The following CD6 variants were observed in gnomAD, a reference collection of about 807,000 sequenced individuals.
The protein encoded by CD6 is T-cell differentiation antigen CD6.
In CD6, 53 loss-of-function variants were observed where a neutral mutation model predicts 75.3. The ratio of observed to expected loss-of-function variants is 0.70; its 90% CI spans 0.56 to 0.88. The LOEUF is 0.88. Ranked by LOEUF, CD6 falls within the 40% of genes least tolerant of loss-of-function variation. CD6 has a pLI of 0.00. For synonymous variants in CD6, 359 were observed against 381.5 expected (o/e 0.94, Z 0.69); for missense variants, 770 against 897.1 (o/e 0.86, Z 1.81).
intron 1 of CD6, among the ~76,000 whole-genome samples, chr11:60,979,897 AC>A (rs1430258078): frequency 6.6e-6 from 1 of 151,998 alleles, no homozygotes; most frequent in Non-Finnish European, 1.5e-5. Flanking sequence ...CACCAGCACC[AC>A]CCCGGGATAG....
rs146783015 is a variant in CD6, at chr11:61,000,590, G to A, written c.50-5984G>A. On this transcript the variant is annotated intron_variant, in intron 1 of 12. Transcript: ENST00000313421. ...CGGCCAGGGCGGCATTCTGGGGAGT[G>A]CCTTGTTTCCCCACCAGGCTTGCTC... Among the ~76,000 whole-genome samples the A allele has an allele frequency of 5.3e-5, 8 of 152,322 alleles. No homozygotes were observed. In the East Asian group the frequency reaches 1.5e-3, roughly 29 times the overall value.
intron 3 of CD6, chr11:61,008,233 C>T (rs964322750): frequency 6.4e-6 from 3 of 465,266 alleles, no homozygotes; most frequent in African/African-American, 3.9e-5. Flanking sequence ...CTGGGTCTCT[C>T]CTCCCCTTTC....
At chr11:61,000,384 T>C (rs1001698862) in intron 1 of CD6, among the ~76,000 whole-genome samples, 1 of 152,134 alleles carries the variant, frequency 6.6e-6, no homozygotes, top group Non-Finnish European at 1.5e-5. Flanking sequence ...AGATTCCACC[T>C]CCATGTTTCC....
At chr11:60,998,044 G>A (rs1248756193) in intron 1 of CD6, among the ~76,000 whole-genome samples, 4 of 152,128 alleles carry the variant, frequency 2.6e-5, no homozygotes, top group Non-Finnish European at 5.9e-5. Context: ...ATAAATGGAC[G>A]GTGTAGGACA....
chr11:61,000,865 G>A (rs895275128), intron 1 of CD6, among the ~76,000 whole-genome samples: 10 of 152,138 alleles, frequency 6.6e-5, no homozygotes, highest in African/African-American at 2.4e-4. Flanking sequence ...CTACCCCATT[G>A]GAGGTTCTGT....
rs1487292708 is a variant in CD6, at chr11:61,020,215, G to A, written c.*897G>A. The A allele has an allele frequency of 2.5e-6, 1 of 398,700 alleles. No individual in the cohort carries two copies. The highest frequency in any genetic ancestry group is 4.4e-6 in the Non-Finnish European group (1 of 226,080). The allele number at this position is 398,700 out of a possible 1,614,324, so 24.7% of individuals were successfully genotyped here. On this transcript the variant is annotated 3_prime_UTR_variant, in exon 13 of 13. Transcript: ENST00000313421. ...GCCCCGAGTCCCCATGTGTCTCCTT[G>A]AATTGATGAGGATGCTCCTGGGAGG...
In CD6 at chr11:60,999,928, CTGT is replaced by C. The variant is rs1858501232; in HGVS notation, c.50-6645_50-6643del. 1.3e-5 allele frequency among the ~76,000 whole-genome samples: 2 copies of C among 151,936 alleles called. 1 individual carries two copies. Among genetic ancestry groups the C allele is most frequent in the South Asian group, 4.2e-4 (2 of 4,812 alleles). ...ATTAGCCAGGCATGGTGGCAGGCGC[CTGT>C]AACCCCAGCTACTCAGTAGCTGCGG... On this transcript the variant is annotated intron_variant, in intron 1 of 12. Coordinates refer to ENST00000313421, the MANE Select transcript of CD6 (RefSeq NM_006725.5).
chr11:60,973,433 T>C (rs1857263275), intron 1 of CD6, among the ~76,000 whole-genome samples: 1 of 152,240 alleles, frequency 6.6e-6, no homozygotes, highest in African/African-American at 2.4e-5. Flanking sequence ...TCATCCACTT[T>C]ATGGTTTTGA....
intron 1 of CD6, among the ~76,000 whole-genome samples, chr11:61,000,407 C>T (rs1195475152): frequency 6.6e-6 from 1 of 152,164 alleles, no homozygotes; most frequent in African/African-American, 2.4e-5. Context: ...CGTCCCTTTC[C>T]ACCCTGCCTC....
intron 1 of CD6, among the ~76,000 whole-genome samples, chr11:60,981,817 T>G (rs1037273997): frequency 6.6e-6 from 1 of 152,114 alleles, no homozygotes; most frequent in East Asian, 1.9e-4. Context: ...GATGCAGGGC[T>G]GAGGAGGAAG....
At chr11:61,000,655 G>C (rs1277121842) in intron 1 of CD6, among the ~76,000 whole-genome samples, 1 of 152,158 alleles carries the variant, frequency 6.6e-6, no homozygotes, top group Non-Finnish European at 1.5e-5. Context: ...GCTTTCCCTC[G>C]ATGTCTATGC....
In CD6 at chr11:61,011,150, G is replaced by A; in HGVS notation, c.1150+15G>A. ...AGTCACTATAGGTAAGTGTTGCTGG[G>A]TACTACGCGGTTTCTCAGAAGCTTG... On this transcript the variant is annotated intron_variant, in intron 6 of 12. Transcript: ENST00000313421. 1 of 1,600,284 alleles carries A rather than the reference G, an allele frequency of 6.2e-7. No individual in the cohort carries two copies. Among genetic ancestry groups the A allele is most frequent in the East Asian group, 2.3e-5 (1 of 44,284 alleles).
At chr11:61,001,587 T>A (rs1858589271) in intron 1 of CD6, among the ~76,000 whole-genome samples, 1 of 146,972 alleles carries the variant, frequency 6.8e-6, no homozygotes, top group Non-Finnish European at 1.5e-5. Context: ...GCAAGTCATA[T>A]AAATCGTCCC....
At position 61,019,697 on chromosome 11, in the gene CD6, G is replaced by C. The variant is rs934574259; in HGVS notation, c.*379G>C. On this transcript the variant is annotated 3_prime_UTR_variant, in exon 13 of 13. Coordinates refer to ENST00000313421, the MANE Select transcript of CD6 (RefSeq NM_006725.5). ...ACCTCAAGTGTCCGGCGCTTTGATT[G>C]CCTGAGTTTCTGACACTTCAGGGCC... 12 of 203,646 alleles carry C rather than the reference G, an allele frequency of 5.9e-5. No homozygotes were observed. Among genetic ancestry groups the C allele is most frequent in the African/African-American group, 2.8e-4 (12 of 43,612 alleles). 12.6% of individuals were successfully genotyped at this position (203,646 alleles called of 1,614,324 possible). A position where few individuals can be genotyped will look rare whatever the true frequency, so the allele number is the denominator to read the frequency against.
At chr11:60,990,210 G>A (rs1858005742) in intron 1 of CD6, among the ~76,000 whole-genome samples, 1 of 152,126 alleles carries the variant, frequency 6.6e-6, no homozygotes, top group Non-Finnish European at 1.5e-5. Flanking sequence ...AATGCATTGA[G>A]AATGACATTT....
At chr11:60,985,383 C>T (rs1379738108) in intron 1 of CD6, among the ~76,000 whole-genome samples, 1 of 151,822 alleles carries the variant, frequency 6.6e-6, no homozygotes, top group African/African-American at 2.4e-5. Context: ...CGGGGTTTCG[C>T]CATGTTAGCC....
intron 1 of CD6, chr11:60,985,076 T>G (rs1209495997): frequency 6.6e-6 from 1 of 152,152 alleles, no homozygotes; most frequent in Non-Finnish European, 1.5e-5. Flanking sequence ...TATAGAACGC[T>G]TCACGAATTC....
At chr11:61,014,140 A>C in intron 8 of CD6, 126 bp downstream of exon 8, 2 of 625,458 alleles carry the variant, frequency 3.2e-6, no homozygotes, top group African/African-American at 1.9e-5. Flanking sequence ...GGGCCAGCCC[A>C]CTCCCGGCCC....
intron 8 of CD6, among the ~76,000 whole-genome samples, chr11:61,014,226 T>G (rs1338686306): frequency 6.6e-6 from 1 of 152,198 alleles, no homozygotes; most frequent in Non-Finnish European, 1.5e-5. Flanking sequence ...ATGCTAGGAC[T>G]CTATAGAGTT....
Sources: allele counts gnomAD v4.1 joint callset (sites outside exome capture counted in the v4.1 genomes callset), GRCh38; gene constraint gnomAD v4.1.1; transcripts MANE v1.5; gene names NCBI Gene and HGNC (gene_info 2026-07-23, HGNC 2026-07-21).